Variants in CTNNA2 observed in about 807,000 individuals in gnomAD.
CTNNA2 encodes the protein catenin alpha-2.
A neutral mutation model predicts 101.0 loss-of-function variants in CTNNA2; 42 were observed. That is an observed-to-expected ratio of 0.42 (90% CI 0.32 to 0.54). The LOEUF is 0.54. Among genes scored for constraint, CTNNA2 ranks in the 20% least tolerant of loss-of-function variants. CTNNA2 has a pLI of 0.14. For synonymous variants in CTNNA2, 450 were observed against 456.4 expected, an observed-to-expected ratio of 0.99 and a Z score of 0.18; for missense variants, 871 against 1,223.1, an observed-to-expected ratio of 0.71 and a Z score of 4.29.
chr2:80,115,723 G>T (rs1701475615), intron 7 of CTNNA2, among the ~76,000 whole-genome samples: 1 of 152,162 alleles, frequency 6.6e-6, no homozygotes, highest in African/African-American at 2.4e-5. Context: ...AGAGTGAACA[G>T]TATGTGCAGA....
chr2:80,099,543 T>C (rs1475019148), intron 7 of CTNNA2, among the ~76,000 whole-genome samples: 3 of 152,100 alleles, frequency 2.0e-5, no homozygotes, highest in Non-Finnish European at 2.9e-5. Context: ...TTAAATACCT[T>C]TGGAGTTTTA....
chr2:80,172,076 C>G (rs1705096343), intron 7 of CTNNA2, among the ~76,000 whole-genome samples: 1 of 152,064 alleles, frequency 6.6e-6, no homozygotes, highest in African/African-American at 2.4e-5. Context: ...GGATCAGACC[C>G]CACAAAGATC....
intron 4 of CTNNA2, among the ~76,000 whole-genome samples, chr2:79,861,597 A>G (rs967061795): frequency 2.0e-5 from 3 of 152,204 alleles, no homozygotes; most frequent in African/African-American, 4.8e-5. Context: ...TTCTCAGATA[A>G]CACATAGGTA....
chr2:79,303,296 A>G (rs951733568), intron 2 of CTNNA2, among the ~76,000 whole-genome samples: 1 of 152,082 alleles, frequency 6.6e-6, no homozygotes. Flanking sequence ...GCACTACATC[A>G]CGCTATCCCA....
At chr2:79,536,902 G>C (rs567341860) in intron 1 of CTNNA2, among the ~76,000 whole-genome samples, 1 of 151,948 alleles carries the variant, frequency 6.6e-6, no homozygotes. Context: ...GGGTTTCAGC[G>C]TGTTGCCCAG....
chr2:79,665,750 A>G (rs1248267821), intron 2 of CTNNA2, among the ~76,000 whole-genome samples: 1 of 152,144 alleles, frequency 6.6e-6, no homozygotes, highest in African/African-American at 2.4e-5. Flanking sequence ...TAATGTTGCC[A>G]TATTATTATC....
intron 15 of CTNNA2, among the ~76,000 whole-genome samples, chr2:80,594,020 A>T (rs1696734979): frequency 6.6e-6 from 1 of 152,086 alleles, no homozygotes. Flanking sequence ...TCATATAGTA[A>T]TTCTTTTAAA....
At chr2:79,756,422 G>T (rs1672402131) in intron 3 of CTNNA2, among the ~76,000 whole-genome samples, 1 of 151,966 alleles carries the variant, frequency 6.6e-6, no homozygotes, top group Admixed American at 6.6e-5. Flanking sequence ...ATGAAATAAA[G>T]AAAACATACA....
At chr2:79,185,713 A>G (rs1233130424) in intron 1 of CTNNA2, among the ~76,000 whole-genome samples, 1 of 152,210 alleles carries the variant, frequency 6.6e-6, no homozygotes, top group African/African-American at 2.4e-5. Context: ...AATGTCTGAC[A>G]CAGAAGAGTA....
intron 2 of CTNNA2, among the ~76,000 whole-genome samples, chr2:79,212,851 G>A (rs1674194071): frequency 6.6e-6 from 1 of 152,146 alleles, no homozygotes; most frequent in South Asian, 2.1e-4. Flanking sequence ...CTTGATGTGT[G>A]GGAAAGGGAG....
At chr2:80,521,406 A>C (rs1279372947) in intron 9 of CTNNA2, among the ~76,000 whole-genome samples, 1 of 152,230 alleles carries the variant, frequency 6.6e-6, no homozygotes, top group African/African-American at 2.4e-5. Flanking sequence ...AGTTGCTCAC[A>C]TCCTAATCCC....
intron 6 of CTNNA2, among the ~76,000 whole-genome samples, chr2:79,880,514 C>G (rs1479527008): frequency 1.3e-5 from 2 of 152,032 alleles, no homozygotes; most frequent in East Asian, 3.9e-4. Flanking sequence ...TGGTCTATTC[C>G]ATAACTTTAC....
At chr2:80,322,354 G>C (rs778828369) in intron 7 of CTNNA2, among the ~76,000 whole-genome samples, 1 of 150,122 alleles carries the variant, frequency 6.7e-6, no homozygotes, top group Non-Finnish European at 1.5e-5. Context: ...TAGATGTGCT[G>C]AACTGGAGAG....
intron 3 of CTNNA2, among the ~76,000 whole-genome samples, chr2:79,804,198 T>C (rs1676383595): frequency 6.6e-6 from 1 of 152,242 alleles, no homozygotes; most frequent in South Asian, 2.1e-4. Flanking sequence ...TTTTTGTATT[T>C]ATCATACAGT....
Position 79,740,392 on chromosome 2 carries a change from A to G in CTNNA2, c.103-3995A>G, listed in dbSNP as rs146592171. 3.0e-4 allele frequency among the ~76,000 whole-genome samples: 45 copies of G among 152,334 alleles called. No homozygotes were observed. The East Asian group carries it at 6.0e-3, about 20-fold the overall frequency. On this transcript the variant is annotated intron_variant, in intron 2 of 18. Transcript: ENST00000402739. ...TTTACCCATAGAAGAGCATTGTTAC[A>G]TAGGAACCCTAAGATCTCCTATTTG...
chr2:79,725,016 G>C (rs1267552438), intron 2 of CTNNA2, among the ~76,000 whole-genome samples: 2 of 151,832 alleles, frequency 1.3e-5, no homozygotes, highest in African/African-American at 2.4e-5. Context: ...GAAAAGCCTT[G>C]GTCCAGCACT....
chr2:79,402,427 C>T (rs1010015905), intron 4 of CTNNA2, among the ~76,000 whole-genome samples: 1 of 151,842 alleles, frequency 6.6e-6, no homozygotes, highest in Non-Finnish European at 1.5e-5. Flanking sequence ...ACTGATAATA[C>T]TACTGGACCT....
In CTNNA2 at chr2:80,344,843, T is replaced by C. The variant is rs1253046600; in HGVS notation, c.1057-48368T>C. On this transcript the variant is annotated intron_variant, in intron 7 of 18. Transcript: ENST00000402739. ...TCTGCTCTTCCCAAGTCCATCAAAG[T>C]CAACTCTATCGTCCTAGTGCTTTAT... Among the ~76,000 whole-genome samples the C allele has an allele frequency of 2.0e-5, 3 of 152,226 alleles. No individual in the cohort carries two copies. The East Asian group carries it at 5.8e-4, about 30-fold the overall frequency.
intron 7 of CTNNA2, among the ~76,000 whole-genome samples, chr2:80,338,296 C>CTTT (rs201060579): frequency 3.3e-4 from 42 of 125,610 alleles, no homozygotes; most frequent in African/African-American, 5.3e-4. Flanking sequence ...GCCTTTTTTT[C>CTTT]TTTTTCTTTT....
Sources: allele counts gnomAD v4.1 joint callset (sites outside exome capture counted in the v4.1 genomes callset), GRCh38; gene constraint gnomAD v4.1.1; transcripts MANE v1.5; gene names NCBI Gene and HGNC (gene_info 2026-07-23, HGNC 2026-07-21).